The following SYT9 variants were observed in gnomAD, a reference collection of about 807,000 sequenced individuals.
SYT9 encodes the protein synaptotagmin 9, also known as synaptotagmin-9.
A neutral mutation model predicts 48.4 loss-of-function variants in SYT9; 22 were observed. That is an observed-to-expected ratio of 0.45 (90% CI 0.32 to 0.65). The LOEUF (loss-of-function observed/expected upper bound fraction) is 0.65. Among genes scored for constraint, SYT9 ranks in the 30% least tolerant of loss-of-function variants. SYT9 has a pLI of 0.03. For missense variants in SYT9, 577 were observed against 622.0 expected (o/e 0.93, Z 0.77); for synonymous variants, 265 against 245.0 (o/e 1.08, Z -0.76).
chr11:7,415,907 C>A lies in SYT9; in HGVS notation c.1045-135C>A, dbSNP rs988374261. On this transcript the variant is annotated intron_variant, in intron 3 of 6. Coordinates refer to ENST00000318881, the MANE Select transcript of SYT9 (RefSeq NM_175733.4). ...TTATTCTCCCTGTGACTGACATGAA[C>A]GGAAGAGATACCAGGGATTCTACAA... 1.4e-5 allele frequency: 15 copies of A among 1,090,574 alleles called. No individual in the cohort carries two copies. In the South Asian group the frequency reaches 2.0e-4, roughly 15 times the overall value. The allele number at this position is 1,090,574 out of a possible 1,614,324, so 67.6% of individuals were successfully genotyped here. A position where few individuals can be genotyped will look rare whatever the true frequency, so the allele number is the denominator to read the frequency against.
intron 3 of SYT9, among the ~76,000 whole-genome samples, chr11:7,343,882 A>G (rs1342792729): frequency 6.6e-6 from 1 of 152,216 alleles, no homozygotes; most frequent in Non-Finnish European, 1.5e-5. Context: ...ACATGGTGGC[A>G]GGCAAGACAG....
intron 3 of SYT9, among the ~76,000 whole-genome samples, chr11:7,388,796 G>T (rs887031876): frequency 2.0e-5 from 3 of 151,964 alleles, no homozygotes; most frequent in Non-Finnish European, 4.4e-5. Context: ...TATAGATTTC[G>T]AGTTTAATTG....
rs77209906 is a variant in SYT9, at chr11:7,358,008, A to G, written c.1044+44067A>G. On this transcript the variant is annotated intron_variant, in intron 3 of 6. Transcript: ENST00000318881. ...TCTAGAAACTGTTAAGCAGCGGAGA[A>G]TAAAAGCAGAAAAAACACTGGCTTT... Among the ~76,000 whole-genome samples the G allele has an allele frequency of 8.4e-3, 1,280 of 152,284 alleles. 12 individuals carry two copies. Among genetic ancestry groups the G allele is most frequent in the African/African-American group, 0.028 (1,173 of 41,570 alleles).
intron 3 of SYT9, among the ~76,000 whole-genome samples, chr11:7,320,550 T>TA (rs1849319368): frequency 6.6e-6 from 1 of 152,218 alleles, no homozygotes; most frequent in South Asian, 2.1e-4. Flanking sequence ...GTTAGATATT[T>TA]AATAAGCACT....
chr11:7,391,977 T>C (rs1846627679), intron 3 of SYT9, among the ~76,000 whole-genome samples: 2 of 152,052 alleles, frequency 1.3e-5, no homozygotes, highest in South Asian at 2.1e-4. Flanking sequence ...TTTTTTCTTG[T>C]TGATTTGCTT....
chr11:7,273,154 G>T (rs1242910491), intron 1 of SYT9, among the ~76,000 whole-genome samples: 1 of 152,114 alleles, frequency 6.6e-6, no homozygotes. Context: ...AAATGCAGAA[G>T]TAAGAGCAGG....
chr11:7,271,925 T>A (rs1848305122), intron 1 of SYT9, among the ~76,000 whole-genome samples: 2 of 152,280 alleles, frequency 1.3e-5, no homozygotes, highest in East Asian at 3.9e-4. Flanking sequence ...AGAGAAAAAA[T>A]GCAGAAGCTG....
intron 6 of SYT9, chr11:7,457,722 T>G (rs1176393392): frequency 6.6e-6 from 1 of 152,164 alleles, no homozygotes; most frequent in African/African-American, 2.4e-5. Flanking sequence ...AAGGTCCCAG[T>G]CATCATCTCA....
chr11:7,401,039 T>A (rs1846879957), intron 3 of SYT9, among the ~76,000 whole-genome samples: 1 of 152,070 alleles, frequency 6.6e-6, no homozygotes, highest in Admixed American at 6.6e-5. Context: ...TGTGAATAAA[T>A]ATGAGAAAGT....
chr11:7,368,545 G>A (rs1850294060), intron 3 of SYT9, among the ~76,000 whole-genome samples: 1 of 152,106 alleles, frequency 6.6e-6, no homozygotes, highest in Non-Finnish European at 1.5e-5. Context: ...GCCCTGGTGT[G>A]TGATATTCCC....
At chr11:7,389,730 A>G (rs1450459305) in intron 3 of SYT9, among the ~76,000 whole-genome samples, 1 of 152,174 alleles carries the variant, frequency 6.6e-6, no homozygotes, top group African/African-American at 2.4e-5. Context: ...GGACCAAGCG[A>G]GATCAGTGAA....
At chr11:7,322,460 G>C (rs574333167) in intron 3 of SYT9, among the ~76,000 whole-genome samples, 18 of 152,222 alleles carry the variant, frequency 1.2e-4, no homozygotes, top group African/African-American at 3.9e-4. Flanking sequence ...CTTTATGAGA[G>C]TCCACTGAAT....
At chr11:7,248,735 A>G (rs1847824096), upstream of SYT9, among the ~76,000 whole-genome samples, 1 of 152,246 alleles carries the variant, frequency 6.6e-6, no homozygotes. Context: ...TAGAATTAAT[A>G]TTGTGAAAAT....
At chr11:7,314,031 G>A in intron 3 of SYT9, 90 bp downstream of exon 3, 1 of 1,441,244 alleles carries the variant, frequency 6.9e-7, no homozygotes, top group South Asian at 1.3e-5. Flanking sequence ...AGGACAAAGT[G>A]TAAAATTCCT....
At chr11:7,424,214 C>A (rs1192700560) in intron 6 of SYT9, among the ~76,000 whole-genome samples, 1 of 152,200 alleles carries the variant, frequency 6.6e-6, no homozygotes, top group African/African-American at 2.4e-5. Flanking sequence ...AAATCCGTTT[C>A]TCTCGCAGGA....
chr11:7,433,918 C>A (rs1419013270), intron 6 of SYT9, among the ~76,000 whole-genome samples: 2 of 152,238 alleles, frequency 1.3e-5, no homozygotes, highest in South Asian at 2.1e-4. Flanking sequence ...AGAATCACAT[C>A]AAAAAATAAG....
intron 1 of SYT9, among the ~76,000 whole-genome samples, chr11:7,258,642 C>T (rs963979521): frequency 5.3e-5 from 8 of 152,092 alleles, no homozygotes; most frequent in Non-Finnish European, 8.8e-5. Context: ...ACTGCACTTA[C>T]TACCTTAGTG....
chr11:7,423,106 G>T (rs548885332), intron 6 of SYT9, among the ~76,000 whole-genome samples: 1 of 152,256 alleles, frequency 6.6e-6, no homozygotes, highest in South Asian at 2.1e-4. Flanking sequence ...AATGCCTGTG[G>T]GGCTTATATG....
intron 6 of SYT9, among the ~76,000 whole-genome samples, chr11:7,466,432 G>T (rs1848336124): frequency 6.6e-6 from 1 of 152,124 alleles, no homozygotes; most frequent in Non-Finnish European, 1.5e-5. Flanking sequence ...CATTAAAAAT[G>T]TATGAATGGG....
Sources: allele counts gnomAD v4.1 joint callset (sites outside exome capture counted in the v4.1 genomes callset), GRCh38; gene constraint gnomAD v4.1.1; transcripts MANE v1.5; gene names NCBI Gene and HGNC (gene_info 2026-07-23, HGNC 2026-07-21).